Variants in F2R observed in about 807,000 individuals in gnomAD.
F2R encodes coagulation factor II thrombin receptor, also known as proteinase-activated receptor 1.
Under a neutral mutation model 18.3 loss-of-function variants are expected in F2R, and 12 were observed. That is an observed-to-expected ratio of 0.66 (90% CI 0.42 to 1.06). The LOEUF is 1.06. Ranked by LOEUF, F2R falls within the 50% of genes least tolerant of loss-of-function variation. The pLI is 0.00. For missense variants in F2R, 438 were observed against 530.8 expected, an observed-to-expected ratio of 0.83 and a Z score of 1.72; for synonymous variants, 210 against 219.9, an observed-to-expected ratio of 0.95 and a Z score of 0.40.
intron 1 of F2R, among the ~76,000 whole-genome samples, chr5:76,720,079 C>A (rs137984238): frequency 6.6e-6 from 1 of 151,834 alleles, no homozygotes; most frequent in African/African-American, 2.4e-5. Context: ...ATTTTCTGCC[C>A]TACTATCTAT....
chr5:76,727,574 T>C (rs1748587269), intron 1 of F2R, among the ~76,000 whole-genome samples: 1 of 152,204 alleles, frequency 6.6e-6, no homozygotes, highest in African/African-American at 2.4e-5. Flanking sequence ...TTTGCTTAGG[T>C]AGCTTGACCT....
At chr5:76,716,715 TC>T in intron 1 of F2R, 2 of 695,850 alleles carry the variant, frequency 2.9e-6, no homozygotes, top group East Asian at 2.7e-5. Context: ...ATTGTGTTTC[TC>T]CCAGGACCAC....
Position 76,733,149 on chromosome 5 carries a change from GT to G in F2R, c.925del (p.Ser309ProfsTer25). The G allele has an allele frequency of 6.2e-7, 1 of 1,614,158 alleles. No individual in the cohort carries two copies. The highest frequency in any genetic ancestry group is 8.5e-7 in the Non-Finnish European group (1 of 1,180,030). On this transcript the variant is annotated frameshift_variant, in exon 2 of 2. Transcript: ENST00000319211. LOFTEE classifies it high-confidence loss of function. ...CCGCAGTTGCCAACCGCAGCAAGAAGTCCCGGGCTTTGTTCCTGTCAGCTGC... is the reference window on the plus strand; with the variant it reads ...CCGCAGTTGCCAACCGCAGCAAGAAGCCCGGGCTTTGTTCCTGTCAGCTGC... Reference protein sequence around the residue: ...SSAVANRSKKSRALFLSAAVF... With the variant: ...SSAVANRSKKXRALFLSAAVF...
chr5:76,730,044 A>AAC (rs775209509), intron 1 of F2R, among the ~76,000 whole-genome samples: 4 of 152,190 alleles, frequency 2.6e-5, no homozygotes, highest in African/African-American at 4.8e-5. Context: ...AAGTCCAATA[A>AAC]ACCATTTTCT....
intron 1 of F2R, among the ~76,000 whole-genome samples, chr5:76,729,595 C>A (rs1748632395): frequency 6.6e-6 from 1 of 152,182 alleles, no homozygotes; most frequent in South Asian, 2.1e-4. Context: ...TGTCATGAAG[C>A]TTTTCCTCTA....
chr5:76,730,229 C>T (rs1748645273), intron 1 of F2R, among the ~76,000 whole-genome samples: 1 of 152,170 alleles, frequency 6.6e-6, no homozygotes, highest in South Asian at 2.1e-4. Flanking sequence ...AGGTGCTTCT[C>T]ATCTTTCCTA....
chr5:76,728,384 C>T (rs1327677410), intron 1 of F2R, among the ~76,000 whole-genome samples: 2 of 152,178 alleles, frequency 1.3e-5, no homozygotes, highest in Admixed American at 1.3e-4. Context: ...AACCACCATT[C>T]TCTTCTCTGC....
chr5:76,731,476 A>G (rs958098941), intron 1 of F2R, among the ~76,000 whole-genome samples: 1 of 151,268 alleles, frequency 6.6e-6, no homozygotes, highest in Non-Finnish European at 1.5e-5. Context: ...TGTGTCTCAG[A>G]AAAAAAAAGA....
chr5:76,727,845 G>A (rs1580892736), intron 1 of F2R, among the ~76,000 whole-genome samples: 1 of 146,714 alleles, frequency 6.8e-6, no homozygotes, highest in Non-Finnish European at 1.5e-5. Flanking sequence ...TCAACTTGAG[G>A]TTGGTTTCCG....
chr5:76,722,103 C>A (rs962693341), intron 1 of F2R, among the ~76,000 whole-genome samples: 1 of 152,136 alleles, frequency 6.6e-6, no homozygotes, highest in African/African-American at 2.4e-5. Flanking sequence ...TATTTGAGTT[C>A]AGATATACAG....
At chr5:76,718,344 C>T (rs1421927209) in intron 1 of F2R, among the ~76,000 whole-genome samples, 6 of 152,196 alleles carry the variant, frequency 3.9e-5, no homozygotes, top group Admixed American at 1.3e-4. Context: ...CTATTACCAC[C>T]ATGCATTGAC....
At position 76,732,788 on chromosome 5, in the gene F2R, C is replaced by T. The variant is rs770087836; in HGVS notation, c.563C>T (p.Ala188Val). The T allele has an allele frequency of 6.2e-7, 1 of 1,614,138 alleles. No homozygotes were observed. Among genetic ancestry groups the T allele is most frequent in the Non-Finnish European group, 8.5e-7 (1 of 1,180,028 alleles). Residue 188 changes from alanine (A) to valine (V), a missense_variant, in exon 2 of 2, where the codon GCC becomes GTC. By Grantham distance (64) the Ala-to-Val change is moderately conservative. Transcript: ENST00000319211. ...GCAGCATTTTACTGTAACATGTACG[C>T]CTCTATCTTGCTCATGACAGTCATA... ...VTAAFYCNMY[A>V]SILLMTVISI... is the part of the protein sequence containing the mutation.
chr5:76,733,943 C>G lies in F2R; in HGVS notation c.*440C>G, dbSNP rs1748733168. ...AAGTCTAGGTTGGTAGAGTTTAGCC[C>G]TGAACATTTCATGGTGTTCATCAAC... On this transcript the variant is annotated 3_prime_UTR_variant, in exon 2 of 2. Coordinates refer to ENST00000319211, the MANE Select transcript of F2R (RefSeq NM_001992.5). The G allele has an allele frequency of 6.1e-6, 1 of 163,840 alleles. No individual in the cohort carries two copies. Among genetic ancestry groups the G allele is most frequent in the South Asian group, 1.6e-4 (1 of 6,130 alleles). The allele number at this position is 163,840 out of a possible 1,614,324, so 10.1% of individuals were successfully genotyped here. A position where few individuals can be genotyped will look rare whatever the true frequency, so the allele number is the denominator to read the frequency against.
At chr5:76,730,170 C>T (rs925795664) in intron 1 of F2R, among the ~76,000 whole-genome samples, 4 of 152,246 alleles carry the variant, frequency 2.6e-5, no homozygotes, top group East Asian at 3.8e-4. Context: ...GACTCTTTCT[C>T]TCTTGAGCAG....
At chr5:76,731,428 C>T (rs909622825) in intron 1 of F2R, among the ~76,000 whole-genome samples, 1 of 151,414 alleles carries the variant, frequency 6.6e-6, no homozygotes, top group African/African-American at 2.4e-5. Flanking sequence ...GAGCCGAGAT[C>T]GCGCCACTGT....
rs138828036 is a variant in F2R, at chr5:76,725,962, TGTCA to T, written c.89-6348_89-6345del. ...GTTGTATTTATTAGTTTTCACATTGTGTCAGTCTCTCAGGTGTCATCTTGATTCA... is the reference window on the plus strand; with the variant it reads ...GTTGTATTTATTAGTTTTCACATTGTGTCTCTCAGGTGTCATCTTGATTCA... On this transcript the variant is annotated intron_variant, in intron 1 of 1. Coordinates refer to ENST00000319211, the MANE Select transcript of F2R (RefSeq NM_001992.5). Among the ~76,000 whole-genome samples, 1,194 of 152,346 alleles carry T rather than the reference TGTCA, an allele frequency of 7.8e-3. 13 individuals are homozygous for T. Among genetic ancestry groups the T allele is most frequent in the African/African-American group, 0.026 (1,088 of 41,572 alleles).
At chr5:76,716,598 G>A in intron 1 of F2R, 1 of 709,124 alleles carries the variant, frequency 1.4e-6, no homozygotes, top group South Asian at 1.5e-5. Context: ...ATGCCCCTTT[G>A]GACTCGATCT....
intron 1 of F2R, among the ~76,000 whole-genome samples, chr5:76,724,720 C>T (rs1002812548): frequency 9.2e-5 from 14 of 152,192 alleles, no homozygotes; most frequent in Non-Finnish European, 1.5e-5. Context: ...CAACATGTCA[C>T]ATCTTTGGTC....
chr5:76,716,970 A>G (rs891281092), intron 1 of F2R, among the ~76,000 whole-genome samples: 1 of 152,134 alleles, frequency 6.6e-6, no homozygotes, highest in South Asian at 2.1e-4. Flanking sequence ...TGCGAGATAT[A>G]TGGTGACAAT....
Sources: allele counts gnomAD v4.1 joint callset (sites outside exome capture counted in the v4.1 genomes callset), GRCh38; gene constraint gnomAD v4.1.1; transcripts MANE v1.5; gene names NCBI Gene and HGNC (gene_info 2026-07-23, HGNC 2026-07-21).